Variants in EHMT1 observed in about 807,000 individuals in gnomAD.
EHMT1 encodes the protein histone-lysine N-methyltransferase EHMT1.
Under a neutral mutation model 147.2 loss-of-function variants are expected in EHMT1, and 15 were observed. That is an observed-to-expected ratio of 0.10 (90% CI 0.07 to 0.16). The LOEUF is 0.16. Among genes scored for constraint, EHMT1 ranks in the 10% least tolerant of loss-of-function variants. The pLI is 1.00. For synonymous variants in EHMT1, 795 were observed against 709.6 expected (o/e 1.12, Z -1.91); for missense variants, 1,587 against 1,772.4 (o/e 0.90, Z 1.88).
At chr9:137,772,362 C>CAGTG (rs57770526) in intron 10 of EHMT1, among the ~76,000 whole-genome samples, 106,381 of 151,658 alleles carry the variant, frequency 0.7, 37,866 homozygotes, top group East Asian at 0.87. Context: ...TTTAATAAAA[C>CAGTG]AGACACTAAA....
intron 15 of EHMT1, among the ~76,000 whole-genome samples, chr9:137,790,309 G>A (rs758193873): frequency 5.9e-5 from 9 of 152,198 alleles, no homozygotes; most frequent in African/African-American, 2.2e-4. Context: ...GGCTTCTTAA[G>A]TTTCAGACCA....
At chr9:137,686,381 A>G (rs1942432570) in intron 1 of EHMT1, among the ~76,000 whole-genome samples, 1 of 151,984 alleles carries the variant, frequency 6.6e-6, no homozygotes, top group Admixed American at 6.6e-5. Flanking sequence ...GGCAGTTTTA[A>G]AAATTTTTTT....
At position 137,728,532 on chromosome 9, in the gene EHMT1, A is replaced by G; in HGVS notation, c.823+3A>G. ...GGCCACCACAAAATCACAGACAGGT[A>G]AAGAGGACCCGGCAACTGTCTCTGC... is the stretch of plus-strand genomic sequence containing the variant. On this transcript the variant is annotated splice_donor_region_variant and intron_variant, in intron 4 of 26. Coordinates refer to ENST00000460843, the MANE Select transcript of EHMT1 (RefSeq NM_024757.5). The G allele has an allele frequency of 6.2e-7, 1 of 1,614,102 alleles. No homozygotes were observed. The highest frequency in any genetic ancestry group is 8.5e-7 in the Non-Finnish European group (1 of 1,180,008).
intron 18 of EHMT1, among the ~76,000 whole-genome samples, chr9:137,808,669 C>CGGGGGG (rs1478209721): frequency 1.6e-5 from 1 of 62,508 alleles, no homozygotes. Context: ...TAATTCTGGG[C>CGGGGGG]GGGGGGTGGG....
At chr9:137,758,892 C>G (rs1232037091) in intron 9 of EHMT1, among the ~76,000 whole-genome samples, 1 of 152,086 alleles carries the variant, frequency 6.6e-6, no homozygotes, top group Non-Finnish European at 1.5e-5. Flanking sequence ...CTTTGGGAGG[C>G]CGAGGTGGGC....
At chr9:137,658,067 A>G (rs1938666791) in intron 1 of EHMT1, among the ~76,000 whole-genome samples, 1 of 152,118 alleles carries the variant, frequency 6.6e-6, no homozygotes, top group Admixed American at 6.6e-5. Context: ...TCATGGCTGA[A>G]TACTGCCTCA....
rs398124405 is a variant in EHMT1, at chr9:137,782,371, G to A, written c.2356G>A (p.Val786Met). The A allele has an allele frequency of 1.2e-5, 19 of 1,611,436 alleles. No individual in the cohort carries two copies. In the African/African-American group the frequency reaches 1.3e-4, roughly 11 times the overall value. The change falls in exon 15 of 27, where the codon GTG (valine) becomes ATG (methionine). Residue 786 changes from valine to methionine, a missense_variant. Coordinates refer to ENST00000460843, the MANE Select transcript of EHMT1 (RefSeq NM_024757.5). The surrounding 1 kb of genome is among the most constrained non-coding windows in gnomAD (Gnocchi z 5.7). ...PLHAAAEAGH[V>M]DICHMLVQAG... The stretch of plus-strand genomic sequence containing the variant: ...GCACGCCGCGGCAGAGGCTGGACAC[G>A]TGGACATCTGCCACATGCTGGTTCA...
chr9:137,814,023 C>T (rs1440446775), intron 21 of EHMT1, among the ~76,000 whole-genome samples: 2 of 146,136 alleles, frequency 1.4e-5, no homozygotes, highest in Admixed American at 1.4e-4. Context: ...TTGTGGGCAG[C>T]TCCCTCCTCT....
intron 6 of EHMT1, chr9:137,746,354 A>T (rs767045685): frequency 6.6e-6 from 1 of 152,190 alleles, no homozygotes; most frequent in South Asian, 2.1e-4. Context: ...GGCTTAAGTG[A>T]ACCTTCCACC....
At chr9:137,672,827 C>T (rs1174713264) in intron 1 of EHMT1, among the ~76,000 whole-genome samples, 1 of 152,160 alleles carries the variant, frequency 6.6e-6, no homozygotes, top group South Asian at 2.1e-4. Context: ...CTATCTCAAT[C>T]GTATTACAGA....
intron 1 of EHMT1, among the ~76,000 whole-genome samples, chr9:137,665,630 G>A (rs1183980709): frequency 2.6e-5 from 4 of 152,176 alleles, no homozygotes; most frequent in Non-Finnish European, 5.9e-5. Flanking sequence ...GTTTTTGTTA[G>A]TATTTTTTCA....
intron 9 of EHMT1, among the ~76,000 whole-genome samples, chr9:137,762,052 T>C (rs1949868656): frequency 6.6e-6 from 1 of 152,256 alleles, no homozygotes; most frequent in Admixed American, 6.5e-5. Flanking sequence ...CAAGGCCGCC[T>C]GCCTGACCAT....
chr9:137,621,695 C>T (rs1218998105), intron 1 of EHMT1, among the ~76,000 whole-genome samples: 1 of 152,044 alleles, frequency 6.6e-6, no homozygotes, highest in Non-Finnish European at 1.5e-5. Context: ...GTAAATGGGG[C>T]ATCTTAGGGT....
intron 1 of EHMT1, among the ~76,000 whole-genome samples, chr9:137,686,019 A>T (rs1486257405): frequency 6.6e-6 from 1 of 152,058 alleles, no homozygotes; most frequent in African/African-American, 2.4e-5. Flanking sequence ...CTCAGGTGGC[A>T]CTCCCAGTTC....
At chr9:137,772,895 T>C (rs1564732084) in intron 10 of EHMT1, among the ~76,000 whole-genome samples, 2 of 152,162 alleles carry the variant, frequency 1.3e-5, no homozygotes, top group Admixed American at 6.5e-5. Flanking sequence ...CTGGATCCCA[T>C]TGTCATTTAT....
At chr9:137,802,029 G>A in intron 18 of EHMT1, among the ~76,000 whole-genome samples, 1 of 152,246 alleles carries the variant, frequency 6.6e-6, no homozygotes, top group East Asian at 1.9e-4. Flanking sequence ...AGTTTTGTAA[G>A]GCCCATTTGT....
rs906217401 is a variant in EHMT1, at chr9:137,732,920, T to C, written c.823+4391T>C. On this transcript the variant is annotated intron_variant, in intron 4 of 26. Transcript: ENST00000460843. This position sits in a 1 kb window ranked among gnomAD's most constrained non-coding sequence, Gnocchi z 4.6. ...TAATTACTGTGGCGATGATCACAGA[T>C]GGTTCTGCTCTTTCCCTCCTGCTAC... 2.6e-5 allele frequency among the ~76,000 whole-genome samples: 4 copies of C among 152,170 alleles called. No individual in the cohort carries two copies. Among genetic ancestry groups the C allele is most frequent in the African/African-American group, 4.8e-5 (2 of 41,436 alleles).
At chr9:137,628,826 G>A (rs997357115) in intron 1 of EHMT1, among the ~76,000 whole-genome samples, 4 of 152,198 alleles carry the variant, frequency 2.6e-5, no homozygotes, top group Non-Finnish European at 5.9e-5. Context: ...CCAGAGGTGG[G>A]GCTAGAGCCC....
At chr9:137,748,918 C>T (rs544256651) in intron 6 of EHMT1, among the ~76,000 whole-genome samples, 1 of 152,282 alleles carries the variant, frequency 6.6e-6, no homozygotes, top group South Asian at 2.1e-4. Context: ...CCCGGTTTAG[C>T]CATTCTGCTC....
Sources: gnomAD v4.1 joint callset for allele counts (sites outside exome capture counted in the v4.1 genomes callset) on GRCh38, gnomAD v4.1.1 for gene constraint, Gnocchi (gnomAD v3.1) non-coding constraint, MANE v1.5 for transcripts, NCBI Gene and HGNC (gene_info 2026-07-23, HGNC 2026-07-21) for gene names.